The following FIBP variants were observed in gnomAD, a reference collection of about 807,000 sequenced individuals.
FIBP encodes the protein acidic fibroblast growth factor intracellular-binding protein.
Under a neutral mutation model 40.5 loss-of-function variants are expected in FIBP, and 29 were observed. The observed-to-expected ratio is 0.72, with a 90% confidence interval of 0.53 to 0.98. FIBP has a LOEUF of 0.98. Among genes scored for constraint, FIBP ranks in the 50% least tolerant of loss-of-function variants. The pLI, the probability that FIBP is intolerant of heterozygous loss-of-function variation, is 0.00. For synonymous variants in FIBP, 215 were observed against 191.1 expected, an observed-to-expected ratio of 1.13 and a Z score of -1.03; for missense variants, 411 against 470.2, an observed-to-expected ratio of 0.87 and a Z score of 1.16.
At chr11:65,887,402 C>T (rs186052688) in intron 3 of FIBP, 198 bp downstream of exon 3, 12 of 619,476 alleles carry the variant, frequency 1.9e-5, no homozygotes, top group African/African-American at 7.6e-5. Context: ...GCTGAGGTCG[C>T]GCCACTGCAC....
At position 65,885,146 on chromosome 11, in the gene FIBP, T is replaced by C; in HGVS notation, c.687A>G (p.Glu229=). The C allele has an allele frequency of 6.2e-7, 1 of 1,613,424 alleles. No homozygotes were observed. The highest frequency in any genetic ancestry group is 8.5e-7 in the Non-Finnish European group (1 of 1,179,860). ...TGAGCTCCTTCAAGTCCTGGAGAAA[T>C]TCCTTGTCTAAGTCCATGTCCATGT... ...MDDMDMDLDK[E]FLQDLKELKV... is the part of the protein sequence containing the mutation. The change falls in exon 6 of 10, where the codon GAA becomes GAG. Residue 229 remains glutamate, a synonymous_variant. Transcript: ENST00000357519.
At position 65,887,687 on chromosome 11, in the gene FIBP, C is replaced by T. The variant is rs773334682; in HGVS notation, c.324G>A (p.Leu108=). ...AFDEAFVREV[L]GKKLSKGTKK... The stretch of plus-strand genomic sequence containing the variant: ...TGGTGCCTTTGGACAGCTTCTTGCC[C>T]AGCACCTCCCGAACAAAGGCCTCAT... Residue 108 remains leucine (L), a synonymous_variant, in exon 3 of 10, where the codon CTG becomes CTA. Coordinates refer to ENST00000357519, the MANE Select transcript of FIBP (RefSeq NM_004214.5). 2 of 1,614,136 alleles carry T rather than the reference C, an allele frequency of 1.2e-6. No homozygotes were observed. Among genetic ancestry groups the T allele is most frequent in the East Asian group, 2.2e-5 (1 of 44,878 alleles).
In FIBP at chr11:65,887,948, T is replaced by C; in HGVS notation, c.270A>G (p.Ala90=). 6.2e-7 allele frequency: 1 copy of C among 1,613,658 alleles called. No homozygotes were observed. Among genetic ancestry groups the C allele is most frequent in the Non-Finnish European group, 8.5e-7 (1 of 1,179,844 alleles). The change falls in exon 2 of 10, where the codon GCA becomes GCG. Residue 90 remains alanine (A), a synonymous_variant. Coordinates refer to ENST00000357519, the MANE Select transcript of FIBP (RefSeq NM_004214.5). ...AGGGTGAGCACCTCTCGATGAGTAG[T>C]GCCTGCCGGGAGGGCGGAATCTGGA... The part of the protein sequence containing the change: ...LIFQIPPSRQ[A]LLIERYYAFD...
chr11:65,884,584 C>A lies in FIBP; in HGVS notation c.892G>T (p.Asp298Tyr). Residue 298 changes from aspartate to tyrosine, a missense_variant, in exon 8 of 10, where the codon GAC (aspartate) becomes TAC (tyrosine). By Grantham distance (160) the Asp-to-Tyr change is radical. Coordinates refer to ENST00000357519, the MANE Select transcript of FIBP (RefSeq NM_004214.5). Reference sequence around the variant, plus strand: ...CGACAGCTCACCTTCTCCACGAGGTCCACAAACAGGTCTCTGACATCTTTA... The same window carrying A: ...CGACAGCTCACCTTCTCCACGAGGTACACAAACAGGTCTCTGACATCTTTA... Reference protein sequence around the residue: ...HNKDVRDLFVDLVEKFVEPCR... With the variant: ...HNKDVRDLFVYLVEKFVEPCR... 6.2e-7 allele frequency: 1 copy of A among 1,614,164 alleles called. No individual in the cohort carries two copies. Among genetic ancestry groups the A allele is most frequent in the Non-Finnish European group, 8.5e-7 (1 of 1,180,028 alleles).
At chr11:65,884,228 A>G (rs766917849) in intron 9 of FIBP, 164 bp downstream of exon 9, 47 of 770,124 alleles carry the variant, frequency 6.1e-5, no homozygotes, top group Non-Finnish European at 9.1e-5. Context: ...AACCTGCCCC[A>G]AATCACACAG....
chr11:65,887,972 G>A lies in FIBP; in HGVS notation c.246C>T (p.Phe82=), dbSNP rs536278662. 2.3e-5 allele frequency: 37 copies of A among 1,613,904 alleles called. No individual in the cohort carries two copies. The South Asian group carries it at 3.8e-4, about 17-fold the overall frequency. The change falls in exon 2 of 10, where the codon TTC becomes TTT. Residue 82 remains phenylalanine (F), a synonymous_variant. Coordinates refer to ENST00000357519, the MANE Select transcript of FIBP (RefSeq NM_004214.5). ...APPKLLHQLI[F]QIPPSRQALL... ...GTGCCTGCCGGGAGGGCGGAATCTG[G>A]AAGATGAGCTGGTGCAGTAGCTTGG...
In FIBP at chr11:65,885,165, T is replaced by A. The variant is rs146124046; in HGVS notation, c.668A>T (p.Asp223Val). The A allele has an allele frequency of 2.6e-6, 4 of 1,565,342 alleles. No homozygotes were observed. The highest frequency in any genetic ancestry group is 2.6e-6 in the Non-Finnish European group (3 of 1,153,548). ...GAGAAATTCCTTGTCTAAGTCCATG[T>A]CCATGTCATCCATCTGTGAGTCTGT... ...GAVDSQMDDMDMDLDKEFLQD... is the reference protein window; with the variant it reads ...GAVDSQMDDMVMDLDKEFLQD... The change falls in exon 6 of 10, where the codon GAC becomes GTC. Residue 223 changes from aspartate (D) to valine (V), a missense_variant. By Grantham distance (152) the Asp-to-Val change is radical. Coordinates refer to ENST00000357519, the MANE Select transcript of FIBP (RefSeq NM_004214.5).
chr11:65,886,618 C>T, intron 3 of FIBP, 196 bp from the exon 4 acceptor site: 1 of 541,296 alleles, frequency 1.8e-6, no homozygotes, highest in Non-Finnish European at 3.3e-6. Context: ...TTAGCAACTC[C>T]TGCTGTATCT....
At position 65,885,642 on chromosome 11, in the gene FIBP, G is replaced by A. The variant is rs1351643180; in HGVS notation, c.534C>T (p.Phe178=). 6.2e-7 allele frequency: 1 copy of A among 1,614,048 alleles called. No homozygotes were observed. Among genetic ancestry groups the A allele is most frequent in the Non-Finnish European group, 8.5e-7 (1 of 1,179,928 alleles). ...CTGTCTCAAAGCGGTTGTTAGCAAA[G>A]AAGACGATGGCTGCATAGTCCCTGC... is the stretch of plus-strand genomic sequence containing the variant. ...RLARDYAAIV[F]FANNRFETGK... The change falls in exon 5 of 10, where the codon TTC becomes TTT. Residue 178 remains phenylalanine, a synonymous_variant. Coordinates refer to ENST00000357519, the MANE Select transcript of FIBP (RefSeq NM_004214.5).
chr11:65,885,795 A>G lies in FIBP; in HGVS notation c.513-132T>C, dbSNP rs570810706. On this transcript the variant is annotated intron_variant, in intron 4 of 9. Transcript: ENST00000357519. ...TCAAGTCACTGTGTGACGTGTCTCAAGTCACTTCTCTATGACCCTTCCCCA... is the reference window on the plus strand; with the variant it reads ...TCAAGTCACTGTGTGACGTGTCTCAGGTCACTTCTCTATGACCCTTCCCCA... 27 of 891,650 alleles carry G rather than the reference A, an allele frequency of 3.0e-5. 1 individual carries two copies. In the South Asian group the frequency reaches 4.2e-4, roughly 14 times the overall value. 55.2% of individuals were successfully genotyped at this position (891,650 alleles called of 1,614,324 possible).
At position 65,888,444 on chromosome 11, in the gene FIBP, C is replaced by G. The variant is rs759478204; in HGVS notation, c.-26G>C. The stretch of plus-strand genomic sequence containing the variant: ...GGCGACGCCCGGGGCCGCAGCGCCC[C>G]GAGCAGGAGCGAGCACTGCTCGGGA... On this transcript the variant is annotated 5_prime_UTR_variant, in exon 1 of 10. Transcript: ENST00000357519. The G allele has an allele frequency of 1.3e-4, 202 of 1,534,250 alleles. No individual in the cohort carries two copies. Among genetic ancestry groups the G allele is most frequent in the Non-Finnish European group, 1.8e-4 (199 of 1,133,616 alleles).
chr11:65,887,564 G>A (rs149792177), intron 3 of FIBP, 36 bp downstream of exon 3: 1 of 1,612,060 alleles, frequency 6.2e-7, no homozygotes, highest in Non-Finnish European at 8.5e-7. Context: ...GTGAAGTGTA[G>A]ATGGGATGCT....
chr11:65,888,420 G>A lies in FIBP; in HGVS notation c.-2C>T. Reference sequence around the variant, plus strand: ...GAAGATGTCCAGCTCACTGGTCATGGCGACGCCCGGGGCCGCAGCGCCCCG... The same window carrying A: ...GAAGATGTCCAGCTCACTGGTCATGACGACGCCCGGGGCCGCAGCGCCCCG... On this transcript the variant is annotated 5_prime_UTR_variant, in exon 1 of 10. Coordinates refer to ENST00000357519, the MANE Select transcript of FIBP (RefSeq NM_004214.5). 6.4e-7 allele frequency: 1 copy of A among 1,562,420 alleles called. No homozygotes were observed. Among genetic ancestry groups the A allele is most frequent in the Non-Finnish European group, 8.7e-7 (1 of 1,153,132 alleles).
In FIBP at chr11:65,888,321, G is replaced by A; in HGVS notation, c.85+13C>T. 2 of 1,547,702 alleles carry A rather than the reference G, an allele frequency of 1.3e-6. No homozygotes were observed. Among genetic ancestry groups the A allele is most frequent in the Non-Finnish European group, 1.7e-6 (2 of 1,144,546 alleles). ...GCTCCGCCGACTGGCTTCCCCACAC[G>A]CCCCTCACGGACCCGAGTAACCATC... On this transcript the variant is annotated intron_variant, in intron 1 of 9. Transcript: ENST00000357519.
chr11:65,887,645 G>A lies in FIBP; in HGVS notation c.366C>T (p.Asp122=). The A allele has an allele frequency of 6.2e-7, 1 of 1,614,136 alleles. No individual in the cohort carries two copies. The highest frequency in any genetic ancestry group is 2.2e-5 in the East Asian group (1 of 44,876). ...LSKGTKKDLD[D]ISTKTGITLK... ...GGGTGATGCCTGTTTTGGTGCTGATGTCATCCAGGTCTTTCTTGGTGCCTT... is the reference window on the plus strand; with the variant it reads ...GGGTGATGCCTGTTTTGGTGCTGATATCATCCAGGTCTTTCTTGGTGCCTT... Residue 122 remains aspartate (D), a synonymous_variant, in exon 3 of 10, where the codon GAC becomes GAT. Coordinates refer to ENST00000357519, the MANE Select transcript of FIBP (RefSeq NM_004214.5).
intron 5 of FIBP, 155 bp from the exon 6 acceptor site, chr11:65,885,341 G>A (rs1860207482): frequency 1.1e-6 from 1 of 900,638 alleles, no homozygotes; most frequent in Non-Finnish European, 1.8e-6. Context: ...CCACAGAGAG[G>A]CAATGGGCCC....
At chr11:65,885,449 C>G in intron 5 of FIBP, 81 bp downstream of exon 5, 1 of 1,537,738 alleles carries the variant, frequency 6.5e-7, no homozygotes. Context: ...GAACTGAGGG[C>G]CTGTGGGAGA....
intron 4 of FIBP, 85 bp from the exon 5 acceptor site, chr11:65,885,748 C>G: frequency 1.5e-6 from 2 of 1,352,526 alleles, no homozygotes; most frequent in South Asian, 2.7e-5. Context: ...GCTGGGTGTC[C>G]GAGTTCTGGC....
chr11:65,888,261 T>C (rs893629878), intron 1 of FIBP, 73 bp downstream of exon 1: 3 of 1,492,818 alleles, frequency 2.0e-6, no homozygotes, highest in African/African-American at 1.4e-5. Flanking sequence ...GATGCCCAAG[T>C]CTTAGCCCCG....
Sources: allele counts gnomAD v4.1 joint callset, GRCh38; gene constraint gnomAD v4.1.1; transcripts MANE v1.5; gene names NCBI Gene and HGNC (gene_info 2026-07-23, HGNC 2026-07-21).